Variants in TXNRD2 observed in about 807,000 individuals in gnomAD.
TXNRD2 encodes the protein thioredoxin reductase 2, mitochondrial.
TXNRD2 carries 67 observed loss-of-function variants against 70.8 expected under a neutral mutation model. That is an observed-to-expected ratio of 0.95 (90% CI 0.78 to 1.16). The LOEUF (loss-of-function observed/expected upper bound fraction) is 1.16, where lower values mean the gene tolerates loss of function less well. TXNRD2 is among the 50% of genes most tolerant of loss of function. The probability of loss-of-function intolerance (pLI) is 0.00; values close to 1 mark genes in which losing one functional copy is unlikely to be tolerated. For missense variants in TXNRD2, 644 were observed against 719.9 expected (o/e 0.89, Z 1.21); for synonymous variants, 301 against 295.8 (o/e 1.02, Z -0.18).
chr22:19,925,090 C>T (rs773007996), intron 2 of TXNRD2, among the ~76,000 whole-genome samples: 21 of 151,648 alleles, frequency 1.4e-4, no homozygotes, highest in Admixed American at 7.3e-4. Flanking sequence ...CGAGACCATC[C>T]TGGCTAACAC....
At chr22:19,919,129 G>A (rs1940777512) in intron 3 of TXNRD2, 125 bp from the exon 4 acceptor site, 2 of 881,594 alleles carry the variant, frequency 2.3e-6, no homozygotes, top group Middle Eastern at 6.5e-4. Flanking sequence ...CAGCTGACAT[G>A]CCACACGAAT....
Position 19,881,024 on chromosome 22 carries a change from C to T in TXNRD2, c.1087-307G>A, listed in dbSNP as rs939531654. The T allele has an allele frequency of 1.1e-5, 6 of 537,718 alleles. No homozygotes were observed. In the African/African-American group the frequency reaches 1.1e-4, roughly 10 times the overall value. 33.3% of individuals were successfully genotyped at this position (537,718 alleles called of 1,614,324 possible). A position where few individuals can be genotyped will look rare whatever the true frequency, so the allele number is the denominator to read the frequency against. On this transcript the variant is annotated intron_variant, in intron 12 of 17. Transcript: ENST00000400521. ...AAGCCTTCTCTCCAAACCCCTTCTG[C>T]ACATTGCTGACCTCGGAGGGCTGCC...
intron 6 of TXNRD2, among the ~76,000 whole-genome samples, 156 bp downstream of exon 6, chr22:19,915,609 G>A (rs369500638): frequency 1.1e-4 from 16 of 152,318 alleles, no homozygotes; most frequent in Admixed American, 4.6e-4. Context: ...ATTTGATCAC[G>A]TTAAAGACAA....
intron 1 of TXNRD2, among the ~76,000 whole-genome samples, chr22:19,940,087 C>CA (rs557266432): frequency 1.9e-3 from 284 of 151,322 alleles, no homozygotes; most frequent in Middle Eastern, 3.4e-3. Context: ...ACTAAAAATA[C>CA]AAAAAAAATT....
intron 11 of TXNRD2, among the ~76,000 whole-genome samples, chr22:19,888,469 C>G (rs1006993885): frequency 9.2e-5 from 14 of 152,240 alleles, no homozygotes; most frequent in African/African-American, 3.4e-4. Context: ...ATGGGAAGAA[C>G]AGGCATGCCC....
intron 9 of TXNRD2, among the ~76,000 whole-genome samples, chr22:19,898,391 G>A (rs562800031): frequency 1.1e-4 from 17 of 152,334 alleles, no homozygotes; most frequent in African/African-American, 3.1e-4. Context: ...GGCGAGGCCT[G>A]CATCCTGGTG....
intron 8 of TXNRD2, 49 bp downstream of exon 8, chr22:19,911,328 C>T (rs1159488452): frequency 6.9e-7 from 1 of 1,441,844 alleles, no homozygotes. Flanking sequence ...GTCCAGTGCT[C>T]ACTCTGGTGA....
intron 9 of TXNRD2, among the ~76,000 whole-genome samples, chr22:19,898,510 CTTTTT>C (rs386394954): frequency 5.3e-5 from 5 of 94,388 alleles, no homozygotes; most frequent in East Asian, 3.2e-4. Context: ...CGGCTTGGGG[CTTTTT>C]TTTTTTTTTT....
intron 17 of TXNRD2, 190 bp from the exon 18 acceptor site, chr22:19,875,997 A>G (rs1240296841): frequency 2.0e-5 from 3 of 152,258 alleles, no homozygotes; most frequent in Admixed American, 2.0e-4. Context: ...TTTTGAAATG[A>G]TAAAAATTTA....
chr22:19,923,019 G>A (rs1286424653), intron 2 of TXNRD2, among the ~76,000 whole-genome samples: 1 of 152,074 alleles, frequency 6.6e-6, no homozygotes, highest in Non-Finnish European at 1.5e-5. Flanking sequence ...TGTTCTACCT[G>A]CTTACCTGAA....
intron 2 of TXNRD2, among the ~76,000 whole-genome samples, chr22:19,920,481 G>A (rs1235607799): frequency 3.9e-5 from 6 of 152,180 alleles, no homozygotes; most frequent in Non-Finnish European, 8.8e-5. Flanking sequence ...TACCCGGGAG[G>A]CTGAGGCAAG....
intron 8 of TXNRD2, 44 bp downstream of exon 8, chr22:19,911,332 CT>C (rs753238054): frequency 7.4e-6 from 11 of 1,493,258 alleles, no homozygotes; most frequent in Non-Finnish European, 1.0e-5. Flanking sequence ...AGTGCTCACT[CT>C]GGTGAACAAA....
intron 2 of TXNRD2, among the ~76,000 whole-genome samples, chr22:19,921,098 C>T (rs1465117530): frequency 1.6e-5 from 2 of 127,362 alleles, no homozygotes; most frequent in Admixed American, 8.0e-5. Context: ...CAGAGCGAGA[C>T]TCTGTCTCAA....
intron 7 of TXNRD2, among the ~76,000 whole-genome samples, chr22:19,912,372 G>A (rs1002644733): frequency 1.4e-4 from 22 of 152,262 alleles, no homozygotes; most frequent in Non-Finnish European, 2.4e-4. Context: ...CAGGGAGAGC[G>A]AAGCAGCCCT....
chr22:19,922,317 TCACATATGATGAAC>T (rs1412338869), intron 2 of TXNRD2, among the ~76,000 whole-genome samples: 1 of 152,130 alleles, frequency 6.6e-6, no homozygotes, highest in African/African-American at 2.4e-5. Flanking sequence ...CTCCACCTTA[TCACATATGATGAAC>T]TATCTGTTCA....
chr22:19,941,610 G>T, intron 1 of TXNRD2, 91 bp downstream of exon 1: 2 of 1,353,832 alleles, frequency 1.5e-6, no homozygotes, highest in Non-Finnish European at 1.9e-6. Context: ...ACCCCCACGG[G>T]GACACCCTGG....
At chr22:19,896,133 TA>T (rs1415541245) in intron 10 of TXNRD2, among the ~76,000 whole-genome samples, 1 of 151,826 alleles carries the variant, frequency 6.6e-6, no homozygotes, top group Non-Finnish European at 1.5e-5. Context: ...CTGTCTCTAC[TA>T]AAAAACACAA....
intron 3 of TXNRD2, 138 bp downstream of exon 3, chr22:19,919,405 G>A: frequency 3.8e-6 from 3 of 786,826 alleles, no homozygotes; most frequent in South Asian, 1.5e-5. Context: ...AAGTAATGAT[G>A]AGTGAAACAG....
chr22:19,908,814 G>C (rs1940187103), intron 8 of TXNRD2, among the ~76,000 whole-genome samples: 1 of 152,206 alleles, frequency 6.6e-6, no homozygotes, highest in South Asian at 2.1e-4. Flanking sequence ...AGGAAATGCA[G>C]ATACAACATG....
Sources: gnomAD v4.1 joint callset for allele counts (sites outside exome capture counted in the v4.1 genomes callset) on GRCh38, gnomAD v4.1.1 for gene constraint, MANE v1.5 for transcripts, NCBI Gene and HGNC (gene_info 2026-07-23, HGNC 2026-07-21) for gene names.